GRM5: variants seen among roughly 807,000 people sequenced by gnomAD.
GRM5 encodes the protein glutamate metabotropic receptor 5.
In GRM5, 19 loss-of-function variants were observed where a neutral mutation model predicts 83.1. The observed-to-expected ratio is 0.23, with a 90% CI of 0.16 to 0.34. The LOEUF (loss-of-function observed/expected upper bound fraction) is 0.34. GRM5 is among the 10% of genes least tolerant of loss of function. The pLI, the probability that GRM5 is intolerant of heterozygous loss-of-function variation, is 1.00. For synonymous variants in GRM5, 675 were observed against 633.6 expected (o/e 1.07, Z -0.98); for missense variants, 1,160 against 1,588.3 (o/e 0.73, Z 4.58).
chr11:88,525,321 G>T lies in GRM5; in HGVS notation c.2714C>A (p.Ala905Glu), dbSNP rs759395719. The T allele has an allele frequency of 6.3e-7, 1 of 1,599,932 alleles. No homozygotes were observed. Among genetic ancestry groups the T allele is most frequent in the South Asian group, 1.1e-5 (1 of 90,758 alleles). Residue 905 changes from alanine to glutamate, a missense_variant, in exon 9 of 10, where the codon GCA becomes GAA. By Grantham distance (107) the Ala-to-Glu change is moderately radical. This residue lies in a region of GRM5 where 562 missense variants were observed against 532.4 expected (regional missense o/e 1.06). Transcript: ENST00000305447. Reference sequence around the variant, plus strand: ...ATAGTTTGCTTACCTGCTCATTGTTGCTCTCCCACCATTCCCCATACTCCC... The same window carrying T: ...ATAGTTTGCTTACCTGCTCATTGTTTCTCTCCCACCATTCCCCATACTCCC... Reference protein sequence around the residue: ...PKGSMGNGGRATMSSSNGKSV... With the variant: ...PKGSMGNGGRETMSSSNGKSV...
intron 8 of GRM5, among the ~76,000 whole-genome samples, chr11:88,535,002 G>T (rs1037335220): frequency 6.6e-6 from 1 of 152,094 alleles, no homozygotes; most frequent in Non-Finnish European, 1.5e-5. Flanking sequence ...CTTGCCTTCT[G>T]CCATGATTGT....
chr11:88,958,729 GT>G (rs1378528984), intron 2 of GRM5, among the ~76,000 whole-genome samples: 2 of 152,018 alleles, frequency 1.3e-5, no homozygotes, highest in Non-Finnish European at 2.9e-5. Flanking sequence ...AATGACTTTT[GT>G]TTATGTGGGC....
intron 3 of GRM5, among the ~76,000 whole-genome samples, chr11:88,688,577 T>G (rs1269316713): frequency 1.3e-5 from 2 of 152,124 alleles, no homozygotes; most frequent in Non-Finnish European, 2.9e-5. Flanking sequence ...TGAAAAGTAA[T>G]TAAGGTACAT....
At chr11:88,949,656 G>T (rs592091) in intron 2 of GRM5, among the ~76,000 whole-genome samples, 131,886 of 152,194 alleles carry the variant, frequency 0.87, 59,084 homozygotes, top group Non-Finnish European at 0.97. Context: ...TTTAAAGAAA[G>T]TTAAAGCAAA....
chr11:89,028,993 C>T (rs1941196030), intron 2 of GRM5, among the ~76,000 whole-genome samples: 1 of 152,052 alleles, frequency 6.6e-6, no homozygotes, highest in African/African-American at 2.4e-5. Context: ...CATGTGTTCT[C>T]ATTGATCAAC....
At chr11:88,978,937 C>G (rs1939433528) in intron 2 of GRM5, among the ~76,000 whole-genome samples, 1 of 152,184 alleles carries the variant, frequency 6.6e-6, no homozygotes, top group Non-Finnish European at 1.5e-5. Context: ...AGATTGCACT[C>G]TTTACTGTGT....
chr11:88,794,258 C>G (rs988435096), intron 3 of GRM5, among the ~76,000 whole-genome samples: 1 of 152,110 alleles, frequency 6.6e-6, no homozygotes, highest in African/African-American at 2.4e-5. Flanking sequence ...CTACCTGCCT[C>G]TAATGTTACC....
intron 3 of GRM5, among the ~76,000 whole-genome samples, chr11:88,699,824 A>T (rs1940986914): frequency 6.6e-6 from 1 of 152,184 alleles, no homozygotes; most frequent in Non-Finnish European, 1.5e-5. Flanking sequence ...CCCAGAGCTG[A>T]CACCTGTGGC....
chr11:88,866,902 C>T (rs1336424843), intron 2 of GRM5, among the ~76,000 whole-genome samples: 1 of 152,016 alleles, frequency 6.6e-6, no homozygotes, highest in South Asian at 2.1e-4. Context: ...AGGAAGGGAT[C>T]CAGTTTTAGT....
chr11:88,838,900 CACACAT>C lies in GRM5; in HGVS notation c.911+11000_911+11005del, dbSNP rs1417076296. Among the ~76,000 whole-genome samples, 121 of 151,522 alleles carry C rather than the reference CACACAT, an allele frequency of 8.0e-4. 2 individuals are homozygous for C. The East Asian group carries it at 0.016, about 20-fold the overall frequency. ...ACACACACACACACACACACACACA[CACACAT>C]ACACACACAAACTTCCTTCTCCACT... On this transcript the variant is annotated intron_variant, in intron 3 of 9. Coordinates refer to ENST00000305447, the MANE Select transcript of GRM5 (RefSeq NM_001143831.3).
intron 4 of GRM5, among the ~76,000 whole-genome samples, chr11:88,640,407 A>T (rs1939256402): frequency 6.6e-6 from 1 of 152,190 alleles, no homozygotes; most frequent in African/African-American, 2.4e-5. Context: ...CTCTCACTCA[A>T]CAACAATCAT....
intron 3 of GRM5, among the ~76,000 whole-genome samples, chr11:88,775,606 A>T (rs1011012989): frequency 6.6e-6 from 1 of 151,986 alleles, no homozygotes; most frequent in Non-Finnish European, 1.5e-5. Context: ...TACATACTGC[A>T]TTAAATGTGT....
intron 2 of GRM5, chr11:88,984,775 G>A (rs758470752): frequency 2.7e-6 from 2 of 738,966 alleles, no homozygotes; most frequent in East Asian, 2.5e-5. Context: ...CAGCACTGCT[G>A]GGGAAACAGA....
intron 1 of GRM5, among the ~76,000 whole-genome samples, chr11:89,064,291 T>C (rs1224645042): frequency 1.3e-5 from 2 of 152,080 alleles, no homozygotes; most frequent in Non-Finnish European, 2.9e-5. Context: ...CCCTAGAACT[T>C]AAAGTATAAT....
In GRM5 at chr11:88,849,891, C is replaced by T. The variant is rs570672847; in HGVS notation, c.911+15G>A. On this transcript the variant is annotated intron_variant, in intron 3 of 9. Coordinates refer to ENST00000305447, the MANE Select transcript of GRM5 (RefSeq NM_001143831.3). ...CTGGTATTAACTCCATGTAAATTTT[C>T]TTATTATCACTCACCTGCCCAGAAG... 2 of 1,612,712 alleles carry T rather than the reference C, an allele frequency of 1.2e-6. No homozygotes were observed. Among genetic ancestry groups the T allele is most frequent in the East Asian group, 2.2e-5 (1 of 44,864 alleles).
chr11:88,985,716 A>G (rs1939684459), intron 2 of GRM5, among the ~76,000 whole-genome samples: 1 of 152,172 alleles, frequency 6.6e-6, no homozygotes, highest in South Asian at 2.1e-4. Flanking sequence ...TTATTATCAT[A>G]GCAACACTAA....
intron 3 of GRM5, among the ~76,000 whole-genome samples, chr11:88,756,479 T>A (rs1213827017): frequency 2.0e-5 from 3 of 152,104 alleles, no homozygotes; most frequent in Non-Finnish European, 4.4e-5. Context: ...AGATAAGACA[T>A]CAGCATGACA....
At chr11:88,817,791 T>G (rs918973118) in intron 3 of GRM5, among the ~76,000 whole-genome samples, 2 of 152,152 alleles carry the variant, frequency 1.3e-5, no homozygotes, top group Non-Finnish European at 2.9e-5. Flanking sequence ...ATAATAATCA[T>G]TATGCATAAG....
chr11:88,910,537 G>C (rs1945478607), intron 2 of GRM5, among the ~76,000 whole-genome samples: 1 of 152,008 alleles, frequency 6.6e-6, no homozygotes. Flanking sequence ...ATTTTACATT[G>C]TGATGGGTAT....
Sources: gnomAD v4.1 joint callset for allele counts (sites outside exome capture counted in the v4.1 genomes callset) on GRCh38, gnomAD v4.1.1 for gene constraint, gnomAD v4.1.1 regional missense constraint, MANE v1.5 for transcripts, NCBI Gene and HGNC (gene_info 2026-07-23, HGNC 2026-07-21) for gene names.